Variants in MYO9A observed in about 807,000 individuals in gnomAD.
MYO9A encodes myosin IXA.
In MYO9A, 103 loss-of-function variants were observed where a neutral mutation model predicts 293.3. That is an observed-to-expected ratio of 0.35 (90% CI 0.30 to 0.41). The LOEUF is 0.41. Among genes scored for constraint, MYO9A ranks in the 10% least tolerant of loss-of-function variants. The pLI is 1.00. For missense variants in MYO9A, 2,685 were observed against 3,033.0 expected, an observed-to-expected ratio of 0.89 and a Z score of 2.69; for synonymous variants, 1,001 against 1,035.7, an observed-to-expected ratio of 0.97 and a Z score of 0.64.
intron 3 of MYO9A, among the ~76,000 whole-genome samples, chr15:72,029,352 C>G (rs542878163): frequency 6.6e-6 from 1 of 152,290 alleles, no homozygotes; most frequent in South Asian, 2.1e-4. Context: ...ACTTATACAA[C>G]CCTGATAGTA....
intron 33 of MYO9A, among the ~76,000 whole-genome samples, chr15:71,861,679 T>TAAAAAAAAAAAAAA: frequency 1.2e-5 from 1 of 82,930 alleles, no homozygotes; most frequent in Non-Finnish European, 2.6e-5. Flanking sequence ...ACTGATGATA[T>TAAAAAAAAAAAAAA]AAAAAAAAAA....
chr15:72,039,490 T>C (rs1195638772), intron 2 of MYO9A, among the ~76,000 whole-genome samples: 1 of 152,004 alleles, frequency 6.6e-6, no homozygotes, highest in Non-Finnish European at 1.5e-5. Flanking sequence ...CCAGATAGGA[T>C]TTAAATATTT....
intron 1 of MYO9A, among the ~76,000 whole-genome samples, chr15:72,075,145 T>A (rs915794949): frequency 6.6e-6 from 1 of 151,852 alleles, no homozygotes; most frequent in African/African-American, 2.4e-5. Context: ...TGTATTTTTT[T>A]AGTAGAGACA....
intron 25 of MYO9A, chr15:71,897,112 C>A: frequency 5.1e-6 from 1 of 195,128 alleles, no homozygotes; most frequent in Non-Finnish European, 1.0e-5. Context: ...TCTTTAAAGC[C>A]TGAAACAAAC....
chr15:71,931,528 GTCTT>G (rs2058476193), intron 18 of MYO9A, among the ~76,000 whole-genome samples: 1 of 152,012 alleles, frequency 6.6e-6, no homozygotes, highest in South Asian at 2.1e-4. Flanking sequence ...AAAATACTCT[GTCTT>G]TAATTTTTGA....
chr15:72,097,511 T>A (rs773959338), intron 1 of MYO9A, among the ~76,000 whole-genome samples: 2 of 118,722 alleles, frequency 1.7e-5, no homozygotes, highest in African/African-American at 2.6e-5. Flanking sequence ...AAAAGTTTCA[T>A]GTGACTTGCT....
At chr15:71,975,440 C>T (rs1191255977) in intron 12 of MYO9A, among the ~76,000 whole-genome samples, 2 of 95,784 alleles carry the variant, frequency 2.1e-5, no homozygotes, top group East Asian at 2.9e-4. Flanking sequence ...GGTTTTCGTC[C>T]ATGGTTCCTG....
At chr15:71,943,170 C>G (rs2058821806) in intron 15 of MYO9A, among the ~76,000 whole-genome samples, 1 of 151,754 alleles carries the variant, frequency 6.6e-6, no homozygotes, top group Non-Finnish European at 1.5e-5. Context: ...TTATTTCACT[C>G]TTTCATTTTT....
intron 27 of MYO9A, among the ~76,000 whole-genome samples, chr15:71,885,394 G>A (rs1018819160): frequency 6.6e-6 from 1 of 151,996 alleles, no homozygotes; most frequent in African/African-American, 2.4e-5. Flanking sequence ...CATGAAAACT[G>A]TTTGATTTTT....
At chr15:72,024,788 T>C (rs1442971061) in intron 4 of MYO9A, among the ~76,000 whole-genome samples, 5 of 152,154 alleles carry the variant, frequency 3.3e-5, no homozygotes, top group Non-Finnish European at 2.9e-5. Context: ...TATCAGATTT[T>C]AACTACAATG....
chr15:72,034,580 G>A (rs1030201416), intron 2 of MYO9A, among the ~76,000 whole-genome samples: 2 of 152,136 alleles, frequency 1.3e-5, no homozygotes, highest in African/African-American at 4.8e-5. Context: ...TGAATGCCTA[G>A]AACAGTTTGT....
intron 11 of MYO9A, among the ~76,000 whole-genome samples, chr15:71,989,456 T>A (rs924240775): frequency 6.6e-6 from 1 of 152,134 alleles, no homozygotes; most frequent in Non-Finnish European, 1.5e-5. Flanking sequence ...GTCTCTTATA[T>A]AAAATGGCTT....
chr15:71,926,085 T>C lies in MYO9A; in HGVS notation c.2562+7585A>G, dbSNP rs1306263037. On this transcript the variant is annotated intron_variant, in intron 18 of 41. Coordinates refer to ENST00000356056, the MANE Select transcript of MYO9A (RefSeq NM_006901.4). ...GTAAATGGGTAGGGTGCTTTAGCTT[T>C]GGTTCTAGGTAGGTGCAGCAGTGTA... 2.6e-5 allele frequency among the ~76,000 whole-genome samples: 4 copies of C among 152,162 alleles called. No homozygotes were observed. In the East Asian group the frequency reaches 5.8e-4, roughly 22 times the overall value.
chr15:71,959,793 T>C (rs2059283599), intron 14 of MYO9A, 108 bp downstream of exon 14: 1 of 978,718 alleles, frequency 1.0e-6, no homozygotes, highest in South Asian at 1.7e-5. Context: ...AGGATTTTTG[T>C]CCTTGAGAAT....
intron 19 of MYO9A, among the ~76,000 whole-genome samples, chr15:71,910,149 T>TGTGTATATATAC: frequency 1.4e-5 from 1 of 71,146 alleles, no homozygotes; most frequent in Non-Finnish European, 3.1e-5. Context: ...TATACGTGTG[T>TGTGTATATATAC]GTGTATATAT....
chr15:71,961,422 G>C (rs2075736516), intron 13 of MYO9A, among the ~76,000 whole-genome samples: 1 of 152,108 alleles, frequency 6.6e-6, no homozygotes, highest in Non-Finnish European at 1.5e-5. Flanking sequence ...TGAAGTTTGG[G>C]CCAGTGAGGA....
chr15:72,062,340 G>T (rs2078901655), intron 1 of MYO9A, among the ~76,000 whole-genome samples: 1 of 152,142 alleles, frequency 6.6e-6, no homozygotes, highest in Non-Finnish European at 1.5e-5. Context: ...AGGAAAACAT[G>T]ACCTCACCAA....
intron 1 of MYO9A, among the ~76,000 whole-genome samples, chr15:72,116,676 G>A (rs191778180): frequency 1.3e-5 from 2 of 152,304 alleles, no homozygotes; most frequent in Admixed American, 1.3e-4. Flanking sequence ...ATAAGAAACA[G>A]TTCTAGTATC....
intron 1 of MYO9A, among the ~76,000 whole-genome samples, chr15:72,107,911 A>T (rs1343295453): frequency 6.6e-6 from 1 of 152,160 alleles, no homozygotes; most frequent in Non-Finnish European, 1.5e-5. Flanking sequence ...CACTCTAAAA[A>T]TTAAGGAAAA....
Sources: gnomAD v4.1 joint callset for allele counts (sites outside exome capture counted in the v4.1 genomes callset) on GRCh38, gnomAD v4.1.1 for gene constraint, MANE v1.5 for transcripts, NCBI Gene and HGNC (gene_info 2026-07-23, HGNC 2026-07-21) for gene names.